Variants in PRAMEF14 observed in about 807,000 individuals in gnomAD.
PRAMEF14 encodes the protein PRAME family member 14.
PRAMEF14 carries 24 observed loss-of-function variants against 38.3 expected under a neutral mutation model. The observed-to-expected ratio is 0.63, with a 90% CI of 0.45 to 0.88. The LOEUF (loss-of-function observed/expected upper bound fraction) is 0.88. PRAMEF14 is among the 40% of genes least tolerant of loss of function. The probability of loss-of-function intolerance (pLI) is 0.00; values close to 1 mark genes in which losing one functional copy is unlikely to be tolerated. For missense variants in PRAMEF14, 477 were observed against 570.8 expected, an observed-to-expected ratio of 0.84 and a Z score of 1.67; for synonymous variants, 194 against 226.4, an observed-to-expected ratio of 0.86 and a Z score of 1.29.
Position 13,342,393 on chromosome 1 carries a change from T to C in PRAMEF14, c.*135A>G. On this transcript the variant is annotated 3_prime_UTR_variant, in exon 4 of 4. Transcript: ENST00000334600. ...AAACCCTGTCTCAAATTGTCTTTAA[T>C]AAAAATTTTGGAATTATTAAAAAAT... 7.3e-7 allele frequency: 1 copy of C among 1,368,266 alleles called. No homozygotes were observed. Among genetic ancestry groups the C allele is most frequent in the East Asian group, 2.7e-5 (1 of 36,886 alleles). 84.8% of individuals were successfully genotyped at this position (1,368,266 alleles called of 1,614,324 possible).
chr1:13,344,673 G>A (rs2100353165), intron 2 of PRAMEF14, 57 bp from the exon 3 acceptor site: 3 of 1,600,376 alleles, frequency 1.9e-6, no homozygotes, highest in Non-Finnish European at 2.6e-6. Context: ...CCTGACCTTT[G>A]CTTTCATTCT....
rs1640381326 is a variant in PRAMEF14, at chr1:13,344,914, C to T, written c.287+114G>A. On this transcript the variant is annotated intron_variant, in intron 2 of 3. Transcript: ENST00000334600. ...TGGCCAAAGTCTCCCTGATCTTCCTCGCCAACACCATCAGAAGACTCTGGG... is the reference window on the plus strand; with the variant it reads ...TGGCCAAAGTCTCCCTGATCTTCCTTGCCAACACCATCAGAAGACTCTGGG... The T allele has an allele frequency of 4.8e-5, 74 of 1,547,396 alleles. 6 individuals carry two copies. In the South Asian group the frequency reaches 6.4e-4, roughly 13 times the overall value.
chr1:13,342,984 C>G lies in PRAMEF14; in HGVS notation c.969G>C (p.Lys323Asn). 1 of 1,610,344 alleles carries G rather than the reference C, an allele frequency of 6.2e-7. No individual in the cohort carries two copies. Among genetic ancestry groups the G allele is most frequent in the South Asian group, 1.1e-5 (1 of 90,870 alleles). Residue 323 changes from lysine (K) to asparagine (N), a missense_variant, in exon 4 of 4, where the codon AAG becomes AAC. Around this residue, in one of 4 missense-constraint regions of PRAMEF14, gnomAD observed 34 missense variants for 66.1 expected, o/e 0.51. Coordinates refer to ENST00000334600, the MANE Select transcript of PRAMEF14 (RefSeq NM_001024661.2). ...GCAGCACGTAGCTGAGATTCAGATGCTTTAGGTAACCGAGGCTTGGGTACT... is the reference window on the plus strand; with the variant it reads ...GCAGCACGTAGCTGAGATTCAGATGGTTTAGGTAACCGAGGCTTGGGTACT... ...LSQYPSLGYLKHLNLSYVLLF... is the reference protein window; with the variant it reads ...LSQYPSLGYLNHLNLSYVLLF...
At chr1:13,343,529 A>G in intron 3 of PRAMEF14, 1 of 1,300,224 alleles carries the variant, frequency 7.7e-7, no homozygotes, top group South Asian at 1.2e-5. Flanking sequence ...CCTCACCTCC[A>G]TCCCAGAAGC....
Position 13,344,256 on chromosome 1 carries a change from G to A in PRAMEF14, c.648C>T (p.Ser216=). 6.2e-7 allele frequency: 1 copy of A among 1,606,290 alleles called. No individual in the cohort carries two copies. Among genetic ancestry groups the A allele is most frequent in the Non-Finnish European group, 8.5e-7 (1 of 1,177,040 alleles). The change falls in exon 3 of 4, where the codon TCC becomes TCT. Residue 216 remains serine, a synonymous_variant. Coordinates refer to ENST00000334600, the MANE Select transcript of PRAMEF14 (RefSeq NM_001024661.2). ...GAAGCTTTCTTATCAGACGTGGCCA[G>A]GACATGTTGCGAATTTCCAGCTGTT... is the stretch of plus-strand genomic sequence containing the variant. ...SIQQLEIRNM[S]WPRLIRKLRC... is the part of the protein sequence containing the mutation.
chr1:13,345,207 A>G lies in PRAMEF14; in HGVS notation c.108T>C (p.Tyr36=), dbSNP rs1172799162. 2 of 1,605,314 alleles carry G rather than the reference A, an allele frequency of 1.2e-6. No homozygotes were observed. The highest frequency in any genetic ancestry group is 1.3e-5 in the African/African-American group (1 of 74,594). Residue 36 remains tyrosine, a synonymous_variant, in exon 2 of 4, where the codon TAT becomes TAC. Transcript: ENST00000334600. ...SAMEELPRVL[Y]LPLFMEAFRR... ...GGAAGGCCTCCATGAAGAGTGGGAG[A>G]TAGAGCACCCTGGGCAGCTCCTCCA...
intron 1 of PRAMEF14, 139 bp downstream of exon 1, chr1:13,346,918 G>C (rs1640411199): frequency 6.7e-6 from 1 of 150,062 alleles, no homozygotes; most frequent in Non-Finnish European, 1.5e-5. Flanking sequence ...TACATTTAGA[G>C]GAAAAATGAA....
rs544031987 is a variant in PRAMEF14, at chr1:13,342,494, T to C, written c.*34A>G. 4 of 1,603,998 alleles carry C rather than the reference T, an allele frequency of 2.5e-6. No homozygotes were observed. The Admixed American group carries it at 6.7e-5, about 27-fold the overall frequency. On this transcript the variant is annotated 3_prime_UTR_variant, in exon 4 of 4. Coordinates refer to ENST00000334600, the MANE Select transcript of PRAMEF14 (RefSeq NM_001024661.2). ...AGTGTCCCAGTGCCTGGAAGAGAAC[T>C]TTGGATTTCTCTACCCCGCTAGGCA...
At position 13,345,450 on chromosome 1, in the gene PRAMEF14, G is replaced by A. The variant is rs1640389323; in HGVS notation, c.-25-111C>T. 4.5e-6 allele frequency: 6 copies of A among 1,335,778 alleles called. No homozygotes were observed. In the South Asian group the frequency reaches 7.1e-5, roughly 16 times the overall value. 82.7% of individuals were successfully genotyped at this position (1,335,778 alleles called of 1,614,324 possible). On this transcript the variant is annotated intron_variant, in intron 1 of 3. Transcript: ENST00000334600. ...AAACACCAAGGAGGGAGGGGTCAAG[G>A]AGACCACTGGCTTATTAATTTTCAT...
At position 13,344,406 on chromosome 1, in the gene PRAMEF14, G is replaced by A. The variant is rs1422596133; in HGVS notation, c.498C>T (p.Tyr166=). 1.4e-5 allele frequency: 23 copies of A among 1,604,170 alleles called. 3 individuals carry two copies. The highest frequency in any genetic ancestry group is 5.4e-5 in the African/African-American group (4 of 74,650). Residue 166 remains tyrosine, a synonymous_variant, in exon 3 of 4, where the codon TAC becomes TAT. Transcript: ENST00000334600. ...TCCTTTGGTAAACCCACTGAAAGAG[G>A]TATCTCAGGCATTCATCCTGGGGTA... ...KEIPQDECLR[Y]LFQWVYQRRG...
chr1:13,342,173 TCAA>T lies in PRAMEF14; in HGVS notation c.*352_*354del, dbSNP rs1640336966. The T allele has an allele frequency of 3.3e-6, 1 of 305,886 alleles. No individual in the cohort carries two copies. The highest frequency in any genetic ancestry group is 2.2e-5 in the African/African-American group (1 of 46,298). 18.9% of individuals were successfully genotyped at this position (305,886 alleles called of 1,614,324 possible). ...CCCTGAAGTTCTCATTGATGTCACC[TCAA>T]CATTTTCCTCCAGCCTTGCCCCCTG... On this transcript the variant is annotated 3_prime_UTR_variant, in exon 4 of 4. Transcript: ENST00000334600.
chr1:13,344,478 T>C lies in PRAMEF14; in HGVS notation c.426A>G (p.Gly142=), dbSNP rs1203579538. 93 of 1,607,152 alleles carry C rather than the reference T, an allele frequency of 5.8e-5. No individual in the cohort carries two copies. The Middle Eastern group carries it at 1.3e-3, about 23-fold the overall frequency. ...RQTAEDCPRM[G]EHQPLKVFID... is the part of the protein sequence containing the mutation. ...TGAACACCTTTAAGGGCTGGTGCTC[T>C]CCCATCCTTGGACAGTCCTCTGCTG... Residue 142 remains glycine (G), a synonymous_variant, in exon 3 of 4, where the codon GGA becomes GGG. Coordinates refer to ENST00000334600, the MANE Select transcript of PRAMEF14 (RefSeq NM_001024661.2).
In PRAMEF14 at chr1:13,343,965, G is replaced by C. The variant is rs1384224607; in HGVS notation, c.866+73C>G. 11 of 1,597,118 alleles carry C rather than the reference G, an allele frequency of 6.9e-6. No homozygotes were observed. In the South Asian group the frequency reaches 1.1e-4, roughly 16 times the overall value. On this transcript the variant is annotated intron_variant, in intron 3 of 3. Coordinates refer to ENST00000334600, the MANE Select transcript of PRAMEF14 (RefSeq NM_001024661.2). Reference sequence around the variant, plus strand: ...TGCCACTGGCTGGCACACAGTACACGCCTTCTAATGTTTGCTGTAACAGAA... The same window carrying C: ...TGCCACTGGCTGGCACACAGTACACCCCTTCTAATGTTTGCTGTAACAGAA...
At chr1:13,343,208 CT>C (rs1640354673) in intron 3 of PRAMEF14, 122 bp from the exon 4 acceptor site, 1 of 649,420 alleles carries the variant, frequency 1.5e-6, no homozygotes, top group Non-Finnish European at 2.7e-6. Context: ...GATGATGGTC[CT>C]CATGGAAGTT....
At chr1:13,343,915 T>A (rs1404732137) in intron 3 of PRAMEF14, 123 bp downstream of exon 3, 1 of 1,508,102 alleles carries the variant, frequency 6.6e-7, no homozygotes, top group Non-Finnish European at 9.0e-7. Flanking sequence ...GTGTTGACAT[T>A]CTGGTGTCCC....
At chr1:13,347,034 AC>A (rs1268824752) in intron 1 of PRAMEF14, 22 bp downstream of exon 1, 1 of 150,142 alleles carries the variant, frequency 6.7e-6, no homozygotes, top group African/African-American at 2.4e-5. Context: ...GATGGGCATG[AC>A]CCTAAGAAGG....
rs2797741 is a variant in PRAMEF14, at chr1:13,344,324, G to A, written c.580C>T (p.His194Tyr). 35 of 1,607,596 alleles carry A rather than the reference G, an allele frequency of 2.2e-5. No homozygotes were observed. In the South Asian group the frequency reaches 3.2e-4, roughly 15 times the overall value. Reference protein sequence around the residue: ...KLVNYLTPIKHLRKSLKIIYL... With the variant: ...KLVNYLTPIKYLRKSLKIIYL... ...ATTATTTTCAATGACTTTCTGAGAT[G>A]TTTAATCGGCGTTAGATAATTGACC... is the stretch of plus-strand genomic sequence containing the variant. Residue 194 changes from histidine to tyrosine, a missense_variant, in exon 3 of 4, where the codon CAT (histidine) becomes TAT (tyrosine). Transcript: ENST00000334600.
chr1:13,342,400 T>C lies in PRAMEF14; in HGVS notation c.*128A>G. ...GTCTCAAATTGTCTTTAATAAAAAT[T>C]TTGGAATTATTAAAAAATGAAATAA... is the stretch of plus-strand genomic sequence containing the variant. On this transcript the variant is annotated 3_prime_UTR_variant, in exon 4 of 4. Transcript: ENST00000334600. 11 of 1,379,656 alleles carry C rather than the reference T, an allele frequency of 8.0e-6. No homozygotes were observed. The highest frequency in any genetic ancestry group is 1.1e-5 in the Non-Finnish European group (11 of 1,041,172). The allele number at this position is 1,379,656 out of a possible 1,614,324, so 85.5% of individuals were successfully genotyped here.
Position 13,345,261 on chromosome 1 carries a change from C to T in PRAMEF14, c.54G>A (p.Leu18=). 1 of 1,607,552 alleles carries T rather than the reference C, an allele frequency of 6.2e-7. No homozygotes were observed. The highest frequency in any genetic ancestry group is 2.4e-5 in the East Asian group (1 of 42,448). The change falls in exon 2 of 4, where the codon CTG becomes CTA. Residue 18 remains leucine, a synonymous_variant. Coordinates refer to ENST00000334600, the MANE Select transcript of PRAMEF14 (RefSeq NM_001024661.2). The part of the protein sequence containing the change: ...RLLELAGQSL[L]RDQALSISAM... ...CAGAGATGGACAAGGCCTGGTCTCT[C>T]AGCAGGCTCTGCCCTGCCAGCTCCA...
Sources: allele counts gnomAD v4.1 joint callset, GRCh38; gene constraint gnomAD v4.1.1; regional missense constraint gnomAD v4.1.1; transcripts MANE v1.5; gene names NCBI Gene and HGNC (gene_info 2026-07-23, HGNC 2026-07-21).